The following MED17 variants were observed in gnomAD, a reference collection of about 807,000 sequenced individuals.
MED17 encodes mediator complex subunit 17.
A neutral mutation model predicts 80.8 loss-of-function variants in MED17; 49 were observed. That is an observed-to-expected ratio of 0.61 (90% CI 0.48 to 0.77). The LOEUF is 0.77. MED17 is among the 30% of genes least tolerant of loss of function. The pLI, the probability that MED17 is intolerant of heterozygous loss-of-function variation, is 0.00. For synonymous variants in MED17, 281 were observed against 280.4 expected (o/e 1.00, Z -0.02); for missense variants, 718 against 787.0 (o/e 0.91, Z 1.05).
At chr11:93,804,504 A>G (rs1003135940) in intron 9 of MED17, among the ~76,000 whole-genome samples, 2 of 152,220 alleles carry the variant, frequency 1.3e-5, no homozygotes, top group African/African-American at 4.8e-5. Context: ...CTTTGGATCA[A>G]TCATTTAAAA....
intron 8 of MED17, 56 bp downstream of exon 8, chr11:93,797,775 CTTCTG>C: frequency 6.7e-7 from 1 of 1,482,616 alleles, no homozygotes; most frequent in Non-Finnish European, 9.4e-7. Context: ...GCAGTGTTTT[CTTCTG>C]TTATTTCATA....
chr11:93,797,224 G>A (rs1565291047), intron 7 of MED17: 1 of 315,076 alleles, frequency 3.2e-6, no homozygotes, highest in Non-Finnish European at 5.9e-6. Flanking sequence ...TCCTTTTGTG[G>A]TTCAAAAGCA....
intron 9 of MED17, among the ~76,000 whole-genome samples, chr11:93,802,395 C>T (rs937415304): frequency 1.8e-4 from 28 of 152,162 alleles, no homozygotes; most frequent in African/African-American, 5.8e-4. Flanking sequence ...CCACCACTCC[C>T]GGCCCTTGTT....
At position 93,790,802 on chromosome 11, in the gene MED17, A is replaced by G. The variant is rs1366051695; in HGVS notation, c.637+9A>G. ...GAGCTACAGAAGTGCAGGTATGAAT[A>G]ATTATTAAAAACTATACTTTCTGGC... On this transcript the variant is annotated intron_variant, in intron 3 of 11. Coordinates refer to ENST00000251871, the MANE Select transcript of MED17 (RefSeq NM_004268.5). 1 of 1,611,032 alleles carries G rather than the reference A, an allele frequency of 6.2e-7. No homozygotes were observed. The highest frequency in any genetic ancestry group is 1.1e-5 in the South Asian group (1 of 90,954).
Position 93,811,899 on chromosome 11 carries a change from T to C in MED17, c.1791T>C (p.Pro597=). 1.2e-6 allele frequency: 2 copies of C among 1,614,124 alleles called. No individual in the cohort carries two copies. The highest frequency in any genetic ancestry group is 1.7e-6 in the Non-Finnish European group (2 of 1,180,014). ...GCAGCAAGATTATGGTTCAGTTTCC[T>C]CGTAACCAATGTAAAGACCTTCCAA... ...ESGSKIMVQF[P]RNQCKDLPKS... is the part of the protein sequence containing the mutation. Residue 597 remains proline, a synonymous_variant, in exon 12 of 12, where the codon CCT becomes CCC. Transcript: ENST00000251871.
In MED17 at chr11:93,787,934, G is replaced by A. The variant is rs951184341; in HGVS notation, c.251-67G>A. ...TCCTTTTAGTACTTTTTAAACCTAA[G>A]TGAGCTGTCTGCCATTCAATGTAAC... is the stretch of plus-strand genomic sequence containing the variant. On this transcript the variant is annotated intron_variant, in intron 1 of 11. Coordinates refer to ENST00000251871, the MANE Select transcript of MED17 (RefSeq NM_004268.5). The A allele has an allele frequency of 3.8e-6, 5 of 1,323,726 alleles. No homozygotes were observed. The African/African-American group carries it at 4.3e-5, about 11-fold the overall frequency. The allele number at this position is 1,323,726 out of a possible 1,614,324, so 82.0% of individuals were successfully genotyped here.
chr11:93,792,389 C>G (rs1470175855), intron 3 of MED17, among the ~76,000 whole-genome samples: 1 of 152,132 alleles, frequency 6.6e-6, no homozygotes, highest in Non-Finnish European at 1.5e-5. Context: ...AATAGGTGGT[C>G]TGTAGAAGCA....
chr11:93,798,816 C>T (rs924570921), intron 8 of MED17, among the ~76,000 whole-genome samples: 6 of 152,148 alleles, frequency 3.9e-5, no homozygotes, highest in African/African-American at 1.2e-4. Flanking sequence ...GTTACTGTTT[C>T]TTACCATTAA....
chr11:93,803,435 G>A (rs1423116997), intron 9 of MED17, among the ~76,000 whole-genome samples: 1 of 152,118 alleles, frequency 6.6e-6, no homozygotes, highest in African/African-American at 2.4e-5. Flanking sequence ...AGAGAAAGAT[G>A]ATGGAATAAA....
chr11:93,811,736 ATTTAAG>A (rs1944086787), intron 11 of MED17, 111 bp from the exon 12 acceptor site: 1 of 927,442 alleles, frequency 1.1e-6, no homozygotes, highest in Non-Finnish European at 1.7e-6. Context: ...TTACAAGAAT[ATTTAAG>A]TTGGTAGACA....
At chr11:93,809,234 A>G (rs1027017547) in intron 10 of MED17, 17 of 267,300 alleles carry the variant, frequency 6.4e-5, no homozygotes, top group African/African-American at 2.4e-4. Flanking sequence ...AGCCTAGACA[A>G]CCTCACAGGG....
At chr11:93,804,698 C>A (rs2135719767) in intron 9 of MED17, among the ~76,000 whole-genome samples, 1 of 152,234 alleles carries the variant, frequency 6.6e-6, no homozygotes, top group East Asian at 1.9e-4. Flanking sequence ...TAACAAAATT[C>A]ACCATTTTAA....
rs188301890 is a variant in MED17 at position 93,801,720 on chromosome 11, T to C, written c.1329-115T>C. On this transcript the variant is annotated intron_variant, in intron 8 of 11. Transcript: ENST00000251871. ...TTATTTAAAGTCTGCCTACACATAGTGGTAGTTTAAAAAAGTAGTTAGTTT... is the reference window on the plus strand; with the variant it reads ...TTATTTAAAGTCTGCCTACACATAGCGGTAGTTTAAAAAAGTAGTTAGTTT... 921 of 941,168 alleles carry C rather than the reference T, an allele frequency of 9.8e-4. 1 individual carries two copies. The highest frequency in any genetic ancestry group is 1.1e-3 in the Non-Finnish European group (676 of 597,260). 58.3% of individuals were successfully genotyped at this position (941,168 alleles called of 1,614,324 possible).
chr11:93,799,618 T>TA (rs1414012256), intron 8 of MED17, among the ~76,000 whole-genome samples: 1 of 152,094 alleles, frequency 6.6e-6, no homozygotes. Flanking sequence ...TACAAAAAAA[T>TA]AAAAAAAATT....
chr11:93,795,073 C>G lies in MED17; in HGVS notation c.1012+13C>G, dbSNP rs756738331. On this transcript the variant is annotated intron_variant, in intron 6 of 11. Transcript: ENST00000251871. The stretch of plus-strand genomic sequence containing the variant: ...CAGCCCTTTCCGAGTAAGAGCAGCC[C>G]TTTTTCGACTTTATGAACAGGACTT... The G allele has an allele frequency of 7.4e-6, 12 of 1,613,926 alleles. No homozygotes were observed. In the South Asian group the frequency reaches 1.3e-4, roughly 18 times the overall value.
intron 8 of MED17, chr11:93,801,591 G>A (rs892535718): frequency 1.0e-5 from 5 of 479,964 alleles, no homozygotes; most frequent in African/African-American, 7.8e-5. Context: ...AACCCATCAT[G>A]AATCATGATA....
At chr11:93,787,053 G>A (rs867823635) in intron 1 of MED17, among the ~76,000 whole-genome samples, 2 of 152,106 alleles carry the variant, frequency 1.3e-5, no homozygotes, top group African/African-American at 2.4e-5. Flanking sequence ...GTGGGGGCGG[G>A]GGAAAGGCAA....
rs1226105905 is a variant in MED17 at position 93,784,853 on chromosome 11, T to G, written c.250+90T>G. 4 of 1,499,638 alleles carry G rather than the reference T, an allele frequency of 2.7e-6. No individual in the cohort carries two copies. The East Asian group carries it at 9.9e-5, about 37-fold the overall frequency. The allele number at this position is 1,499,638 out of a possible 1,614,324, so 92.9% of individuals were successfully genotyped here. ...CTCTCCCGCGATGGGGGTGATCTTGTGCGTGCGAGAACTTTTGAGTGTCCC... is the reference window on the plus strand; with the variant it reads ...CTCTCCCGCGATGGGGGTGATCTTGGGCGTGCGAGAACTTTTGAGTGTCCC... On this transcript the variant is annotated intron_variant, in intron 1 of 11. Transcript: ENST00000251871.
chr11:93,785,549 A>G (rs558224870), intron 1 of MED17, among the ~76,000 whole-genome samples: 5 of 152,180 alleles, frequency 3.3e-5, no homozygotes, highest in African/African-American at 7.2e-5. Flanking sequence ...TTAGGGGTCT[A>G]TTTGCAAAAA....
Sources: allele counts gnomAD v4.1 joint callset (sites outside exome capture counted in the v4.1 genomes callset), GRCh38; gene constraint gnomAD v4.1.1; transcripts MANE v1.5; gene names NCBI Gene and HGNC (gene_info 2026-07-23, HGNC 2026-07-21).